NCOA2: variants seen among roughly 807,000 people sequenced by gnomAD.
NCOA2 encodes the protein class E basic helix-loop-helix protein 75.
A neutral mutation model predicts 145.1 loss-of-function variants in NCOA2; 21 were observed. That is an observed-to-expected ratio of 0.14 (90% confidence interval 0.10 to 0.21). The LOEUF is 0.21. NCOA2 is among the 10% of genes least tolerant of loss of function. The probability of loss-of-function intolerance (pLI) is 1.00; values close to 1 mark genes in which losing one functional copy is unlikely to be tolerated. For synonymous variants in NCOA2, 619 were observed against 637.5 expected, an observed-to-expected ratio of 0.97 and a Z score of 0.44; for missense variants, 1,472 against 1,837.6, an observed-to-expected ratio of 0.80 and a Z score of 3.64.
intron 1 of NCOA2, among the ~76,000 whole-genome samples, chr8:70,342,326 G>C (rs1808210425): frequency 6.6e-6 from 1 of 152,096 alleles, no homozygotes; most frequent in African/African-American, 2.4e-5. Flanking sequence ...TTTGAGGCCT[G>C]TAGAAAATCA....
At chr8:70,250,067 A>G (rs72663967) in intron 2 of NCOA2, among the ~76,000 whole-genome samples, 5,793 of 151,500 alleles carry the variant, frequency 0.038, 141 homozygotes, top group South Asian at 0.1. Flanking sequence ...TAATTTCCAA[A>G]CTTTTAGTAA....
chr8:70,269,300 A>G (rs1398406747), intron 2 of NCOA2, among the ~76,000 whole-genome samples: 1 of 152,136 alleles, frequency 6.6e-6, no homozygotes, highest in Non-Finnish European at 1.5e-5. Context: ...AACTGCAAGC[A>G]TACTTGCCAT....
chr8:70,380,452 C>G (rs1335752402), intron 1 of NCOA2, among the ~76,000 whole-genome samples: 1 of 152,154 alleles, frequency 6.6e-6, no homozygotes, highest in African/African-American at 2.4e-5. Flanking sequence ...TAACAAGACT[C>G]ATGTTCCCAA....
chr8:70,150,668 G>A (rs1811635856), intron 11 of NCOA2, among the ~76,000 whole-genome samples: 1 of 152,158 alleles, frequency 6.6e-6, no homozygotes, highest in Admixed American at 6.5e-5. Flanking sequence ...CATATGTAAA[G>A]TTGACTCCAC....
At chr8:70,319,245 A>T (rs1805854638) in intron 1 of NCOA2, among the ~76,000 whole-genome samples, 1 of 152,116 alleles carries the variant, frequency 6.6e-6, no homozygotes, top group African/African-American at 2.4e-5. Context: ...TGAAATTTAT[A>T]AAGAGCTCTA....
chr8:70,330,763 GA>G (rs1387088890), intron 1 of NCOA2, among the ~76,000 whole-genome samples: 6 of 152,100 alleles, frequency 3.9e-5, no homozygotes, highest in African/African-American at 1.4e-4. Context: ...TGAGTCACAA[GA>G]AAAAGACAGG....
intron 22 of NCOA2, among the ~76,000 whole-genome samples, chr8:70,114,368 G>A (rs1364592446): frequency 6.6e-6 from 1 of 152,186 alleles, no homozygotes; most frequent in East Asian, 1.9e-4. Context: ...ATGTGCTGAT[G>A]ATGTGAATGA....
Position 70,393,723 on chromosome 8 carries a change from C to T in NCOA2, c.-77+9977G>A, listed in dbSNP as rs1240302678. Among the ~76,000 whole-genome samples the T allele has an allele frequency of 2.6e-5, 4 of 152,170 alleles. No homozygotes were observed. The South Asian group carries it at 6.2e-4, about 24-fold the overall frequency. On this transcript the variant is annotated intron_variant, in intron 1 of 22. Transcript: ENST00000452400. ...TCCCTGGAGCCTAAAATCTGGGCTC[C>T]CCTTGTCTCCTGGTTCTCTTCTCCG...
intron 1 of NCOA2, among the ~76,000 whole-genome samples, chr8:70,365,108 G>C (rs1810573356): frequency 6.6e-6 from 1 of 152,178 alleles, no homozygotes; most frequent in African/African-American, 2.4e-5. Context: ...CAAGGAGGGT[G>C]CATCACTTGA....
chr8:70,445,633 A>G, the NCOA2 span, among the ~76,000 whole-genome samples: 1 of 152,296 alleles, frequency 6.6e-6, no homozygotes, highest in Non-Finnish European at 1.5e-5. Flanking sequence ...TCATTATAAT[A>G]TCTGGTATAT....
intron 1 of NCOA2, among the ~76,000 whole-genome samples, chr8:70,372,285 C>T (rs192580095): frequency 6.6e-6 from 1 of 152,154 alleles, no homozygotes; most frequent in Non-Finnish European, 1.5e-5. Context: ...ACAAAAATCA[C>T]TACTAAAGCT....
At chr8:70,270,827 C>T (rs1229032148) in intron 2 of NCOA2, among the ~76,000 whole-genome samples, 1 of 152,126 alleles carries the variant, frequency 6.6e-6, no homozygotes, top group African/African-American at 2.4e-5. Context: ...AATCAACAGA[C>T]ATTAATATTG....
chr8:70,195,917 T>A (rs1161700840), intron 4 of NCOA2, among the ~76,000 whole-genome samples: 1 of 151,988 alleles, frequency 6.6e-6, no homozygotes, highest in African/African-American at 2.4e-5. Flanking sequence ...GTGAGAAGAG[T>A]GGCCCAGAAG....
At chr8:70,204,271 G>T (rs906034197) in intron 4 of NCOA2, among the ~76,000 whole-genome samples, 4 of 152,096 alleles carry the variant, frequency 2.6e-5, no homozygotes, top group Non-Finnish European at 4.4e-5. Context: ...GCCTCCCAAA[G>T]TGCTGGGATT....
At chr8:70,150,163 C>T (rs944972136) in intron 11 of NCOA2, among the ~76,000 whole-genome samples, 2 of 152,168 alleles carry the variant, frequency 1.3e-5, no homozygotes, top group African/African-American at 4.8e-5. Context: ...ATTGTTAGAG[C>T]AATTACAAGA....
intron 5 of NCOA2, among the ~76,000 whole-genome samples, chr8:70,173,046 T>G (rs938179201): frequency 5.3e-5 from 8 of 152,208 alleles, no homozygotes; most frequent in African/African-American, 1.9e-4. Context: ...ATTCAAACCA[T>G]AAGTCACCAG....
the NCOA2 span, among the ~76,000 whole-genome samples, chr8:70,415,372 C>A: frequency 6.6e-6 from 1 of 152,054 alleles, no homozygotes; most frequent in Non-Finnish European, 1.5e-5. Context: ...ACTAAACAAA[C>A]TCCTCTATCT....
the NCOA2 span, among the ~76,000 whole-genome samples, chr8:70,445,528 C>T: frequency 6.6e-6 from 1 of 152,138 alleles, no homozygotes; most frequent in Non-Finnish European, 1.5e-5. Context: ...ATAGAACATA[C>T]AGTTTCTCCT....
intron 4 of NCOA2, among the ~76,000 whole-genome samples, chr8:70,195,491 A>T (rs1817197325): frequency 6.6e-6 from 1 of 152,186 alleles, no homozygotes; most frequent in African/African-American, 2.4e-5. Flanking sequence ...GGACCCATAC[A>T]AGTAAGGGGT....
Sources: allele counts gnomAD v4.1 joint callset (sites outside exome capture counted in the v4.1 genomes callset), GRCh38; gene constraint gnomAD v4.1.1; transcripts MANE v1.5; gene names NCBI Gene and HGNC (gene_info 2026-07-23, HGNC 2026-07-21).